Variants in ADGRG6 observed in about 807,000 individuals in gnomAD.
ADGRG6 encodes the protein adhesion G protein-coupled receptor G6.
ADGRG6 carries 84 observed loss-of-function variants against 142.4 expected under a neutral mutation model. The observed-to-expected ratio is 0.59, with a 90% CI of 0.49 to 0.71. ADGRG6 has a LOEUF of 0.71. ADGRG6 is among the 30% of genes least tolerant of loss of function. The pLI is 0.00. For synonymous variants in ADGRG6, 521 were observed against 520.5 expected, an observed-to-expected ratio of 1.00 and a Z score of -0.01; for missense variants, 1,367 against 1,466.6, an observed-to-expected ratio of 0.93 and a Z score of 1.11.
intron 1 of ADGRG6, 56 bp downstream of exon 1, chr6:142,302,387 C>T (rs1196654212): frequency 1.3e-6 from 2 of 1,580,076 alleles, no homozygotes; most frequent in Non-Finnish European, 1.7e-6. Flanking sequence ...TGTCCACCTT[C>T]TGTCGCCCCC....
rs529846225 is a variant in ADGRG6, at chr6:142,308,686, C to T, written c.3-858C>T. ...CTTACCTTCCTGCCTCACAACTCTT[C>T]TGCTCACCAGTCCACTTATGGTCCT... On this transcript the variant is annotated intron_variant, in intron 1 of 24. Transcript: ENST00000367609. Among the ~76,000 whole-genome samples the T allele has an allele frequency of 5.9e-5, 9 of 151,882 alleles. No individual in the cohort carries two copies. In the South Asian group the frequency reaches 1.5e-3, roughly 25 times the overall value.
At chr6:142,366,311 A>T (rs1258839392) in intron 2 of ADGRG6, among the ~76,000 whole-genome samples, 3 of 152,196 alleles carry the variant, frequency 2.0e-5, no homozygotes, top group Non-Finnish European at 4.4e-5. Flanking sequence ...AGGAGACATG[A>T]TCTTAGATCT....
intron 22 of ADGRG6, among the ~76,000 whole-genome samples, chr6:142,428,865 GT>G (rs1374456014): frequency 2.0e-5 from 3 of 152,050 alleles, no homozygotes; most frequent in Admixed American, 2.0e-4. Flanking sequence ...CTTAATTTAA[GT>G]TACAGAGTAA....
At chr6:142,440,963 C>A (rs200837442) in intron 24 of ADGRG6, 7 of 1,452,104 alleles carry the variant, frequency 4.8e-6, no homozygotes, top group Non-Finnish European at 6.5e-6. Flanking sequence ...GGTAAACTTT[C>A]GTTACTTTTT....
intron 2 of ADGRG6, among the ~76,000 whole-genome samples, chr6:142,341,498 ATATAG>A (rs1779633132): frequency 8.5e-6 from 1 of 118,184 alleles, no homozygotes; most frequent in South Asian, 2.2e-4. Context: ...ATATAATATT[ATATAG>A]TATATATACT....
chr6:142,371,483 T>C (rs547264000), intron 4 of ADGRG6, among the ~76,000 whole-genome samples: 1 of 137,916 alleles, frequency 7.3e-6, no homozygotes, highest in Non-Finnish European at 1.5e-5. Flanking sequence ...TGTTTTTTTT[T>C]GTTTTTTTTT....
At chr6:142,368,748 T>TA (rs1472357081) in intron 3 of ADGRG6, among the ~76,000 whole-genome samples, 1 of 152,120 alleles carries the variant, frequency 6.6e-6, no homozygotes, top group Admixed American at 6.5e-5. Context: ...TTACCATGGT[T>TA]AAAACACACA....
Position 142,420,101 on chromosome 6 carries a change from C to T in ADGRG6, c.3316C>T (p.Gln1106Ter). ...MYLFSIFNSL[Q>*]GLFIFIFHCA... The stretch of plus-strand genomic sequence containing the variant: ...CCTCTTCTCCATCTTCAATTCATTA[C>T]AAGGTAAGATAAATTGTACATGAAT... The change falls in exon 22 of 25, where the codon CAA becomes TAA. Residue 1106 changes from glutamine (Q) to a stop codon, truncating the protein, a stop_gained. Transcript: ENST00000367609. LOFTEE classifies it high-confidence loss of function. 1 of 1,608,908 alleles carries T rather than the reference C, an allele frequency of 6.2e-7. No individual in the cohort carries two copies. Among genetic ancestry groups the T allele is most frequent in the Non-Finnish European group, 8.5e-7 (1 of 1,175,882 alleles).
intron 2 of ADGRG6, among the ~76,000 whole-genome samples, chr6:142,321,110 A>T (rs1778491815): frequency 6.6e-6 from 1 of 152,010 alleles, no homozygotes; most frequent in Non-Finnish European, 1.5e-5. Context: ...ATGTTTAGTG[A>T]AATGGGATAA....
At position 142,444,962 on chromosome 6, in the gene ADGRG6, A is replaced by G. The variant is rs1777909308; in HGVS notation, c.*1447A>G. 6.6e-6 allele frequency: 1 copy of G among 152,230 alleles called. No homozygotes were observed. The highest frequency in any genetic ancestry group is 6.5e-5 in the Admixed American group (1 of 15,272). 9.4% of individuals were successfully genotyped at this position (152,230 alleles called of 1,614,324 possible). On this transcript the variant is annotated 3_prime_UTR_variant, in exon 25 of 25. Transcript: ENST00000367609. The stretch of plus-strand genomic sequence containing the variant: ...TGGCAAAGCCAATCTGCTTAAAGGC[A>G]AAGTCCAGAACCTGGAACCTAGAGG...
At chr6:142,359,203 T>TAA (rs397885145) in intron 2 of ADGRG6, among the ~76,000 whole-genome samples, 70 of 56,490 alleles carry the variant, frequency 1.2e-3, no homozygotes, top group African/African-American at 1.5e-3. Context: ...CAAGACCCTA[T>TAA]AAAAAAAAAA....
In ADGRG6 at chr6:142,317,825, T is replaced by C. The variant is rs1778187242; in HGVS notation, c.103+8181T>C. On this transcript the variant is annotated intron_variant, in intron 2 of 24. Coordinates refer to ENST00000367609, the MANE Select transcript of ADGRG6 (RefSeq NM_198569.3). ...TTATATATATTTATATATATTAATT[T>C]ATATTATATATATTTATATATAATA... Among the ~76,000 whole-genome samples, 3 of 88,314 alleles carry C rather than the reference T, an allele frequency of 3.4e-5. No individual in the cohort carries two copies. The South Asian group carries it at 8.2e-4, about 24-fold the overall frequency. 57.9% of individuals were successfully genotyped at this position (88,314 alleles called of 152,430 possible). A position where few individuals can be genotyped will look rare whatever the true frequency, so the allele number is the denominator to read the frequency against.
rs117706162 is a variant in ADGRG6 at position 142,354,473 on chromosome 6, C to T, written c.104-13096C>T. 3.0e-3 allele frequency among the ~76,000 whole-genome samples: 462 copies of T among 152,278 alleles called. 2 individuals are homozygous for T. Among genetic ancestry groups the T allele is most frequent in the Admixed American group, 4.8e-3 (73 of 15,286 alleles). Reference sequence around the variant, plus strand: ...TGTCAGTTACACATTATTAAGTCTTCTATGAAATCATTTCATACATTCTCT... The same window carrying T: ...TGTCAGTTACACATTATTAAGTCTTTTATGAAATCATTTCATACATTCTCT... On this transcript the variant is annotated intron_variant, in intron 2 of 24. Transcript: ENST00000367609.
intron 16 of ADGRG6, among the ~76,000 whole-genome samples, chr6:142,409,214 GTC>G (rs960109534): frequency 1.3e-5 from 2 of 151,946 alleles, no homozygotes; most frequent in Non-Finnish European, 2.9e-5. Flanking sequence ...CCTACTTTCT[GTC>G]TCTTAATTTC....
intron 22 of ADGRG6, among the ~76,000 whole-genome samples, chr6:142,430,916 T>C (rs1436158892): frequency 1.3e-5 from 2 of 152,082 alleles, no homozygotes; most frequent in Non-Finnish European, 2.9e-5. Context: ...TCTCTAGGAG[T>C]ATTAGACAAG....
intron 9 of ADGRG6, among the ~76,000 whole-genome samples, chr6:142,396,608 A>G (rs1347258649): frequency 1.3e-5 from 2 of 152,178 alleles, no homozygotes; most frequent in East Asian, 1.9e-4. Flanking sequence ...TAGACATTCC[A>G]TAACTAGTTT....
At chr6:142,396,275 A>G (rs770482992) in intron 9 of ADGRG6, among the ~76,000 whole-genome samples, 3 of 152,204 alleles carry the variant, frequency 2.0e-5, no homozygotes, top group African/African-American at 4.8e-5. Flanking sequence ...TTAAGCTATC[A>G]TAGTCACATC....
intron 1 of ADGRG6, among the ~76,000 whole-genome samples, chr6:142,308,775 G>A (rs1428117932): frequency 6.6e-6 from 1 of 150,420 alleles, no homozygotes; most frequent in Non-Finnish European, 1.5e-5. Flanking sequence ...TTTTGATGGT[G>A]CTGATTCAAT....
chr6:142,381,960 T>C lies in ADGRG6; in HGVS notation c.1079T>C (p.Leu360Pro), dbSNP rs765342077. 2 of 1,599,194 alleles carry C rather than the reference T, an allele frequency of 1.3e-6. No homozygotes were observed. Among genetic ancestry groups the C allele is most frequent in the Admixed American group, 3.4e-5 (2 of 58,992 alleles). Residue 360 changes from leucine to proline, a missense_variant, in exon 5 of 25, where the codon CTG becomes CCG. This residue lies in a region of ADGRG6 where 737 missense variants were observed against 746.5 expected (regional missense o/e 0.99). Coordinates refer to ENST00000367609, the MANE Select transcript of ADGRG6 (RefSeq NM_198569.3). The part of the protein sequence containing the change: ...AESNLSCGSY[L>P]IPLPAAELAS... ...TTTTGTGTTGATCAAGGTTCCTACC[T>C]GATCCCGCTCCCAGCAGCAGAACTG...
Sources: allele counts gnomAD v4.1 joint callset (sites outside exome capture counted in the v4.1 genomes callset), GRCh38; gene constraint gnomAD v4.1.1; regional missense constraint gnomAD v4.1.1; transcripts MANE v1.5; gene names NCBI Gene and HGNC (gene_info 2026-07-23, HGNC 2026-07-21).